MINDY4: variants seen among roughly 807,000 people sequenced by gnomAD.
MINDY4 encodes probable ubiquitin carboxyl-terminal hydrolase MINDY-4.
MINDY4 carries 68 observed loss-of-function variants against 87.0 expected under a neutral mutation model. The observed-to-expected ratio is 0.78, with a 90% confidence interval of 0.64 to 0.96. The LOEUF is 0.96. MINDY4 is among the 40% of genes least tolerant of loss of function. The probability of loss-of-function intolerance (pLI) is 0.00; values close to 1 mark genes in which losing one functional copy is unlikely to be tolerated. For missense variants in MINDY4, 919 were observed against 928.2 expected (o/e 0.99, Z 0.13); for synonymous variants, 379 against 363.2 (o/e 1.04, Z -0.50).
At chr7:30,778,580 G>T (rs757852306) in intron 2 of MINDY4, 29 bp downstream of exon 2, 2 of 1,613,586 alleles carry the variant, frequency 1.2e-6, no homozygotes. Flanking sequence ...GTGGTGTGGA[G>T]TCTTGGAACT....
intron 12 of MINDY4, 112 bp from the exon 13 acceptor site, chr7:30,859,145 G>A: frequency 9.8e-7 from 1 of 1,019,294 alleles, no homozygotes. Context: ...CTGGGCTGGA[G>A]GCAGTTGGCT....
At chr7:30,856,008 C>T (rs749825304) in intron 12 of MINDY4, among the ~76,000 whole-genome samples, 3 of 152,362 alleles carry the variant, frequency 2.0e-5, no homozygotes, top group Non-Finnish European at 4.4e-5. Flanking sequence ...GCCATCTTTG[C>T]CCAAAATCAA....
intron 13 of MINDY4, among the ~76,000 whole-genome samples, chr7:30,862,428 T>C (rs1022146367): frequency 2.6e-5 from 4 of 152,170 alleles, no homozygotes; most frequent in Non-Finnish European, 4.4e-5. Context: ...AACAGCCTGC[T>C]CCTCTCACGT....
chr7:30,844,657 G>T (rs6972154), intron 9 of MINDY4, among the ~76,000 whole-genome samples: 1 of 152,060 alleles, frequency 6.6e-6, no homozygotes, highest in Non-Finnish European at 1.5e-5. Flanking sequence ...GGCTACAGAA[G>T]GTTGTCCTTG....
At chr7:30,814,359 A>G (rs115932897) in intron 5 of MINDY4, among the ~76,000 whole-genome samples, 1 of 152,192 alleles carries the variant, frequency 6.6e-6, no homozygotes, top group Admixed American at 6.5e-5. Context: ...CAGTTGAGGT[A>G]GACATAATCT....
At chr7:30,891,899 C>G (rs1790804637) in intron 17 of MINDY4, 58 bp from the exon 18 acceptor site, 2 of 1,571,130 alleles carry the variant, frequency 1.3e-6, no homozygotes, top group East Asian at 2.2e-5. Flanking sequence ...GAGATGGGCT[C>G]TCATCTGGGA....
chr7:30,778,284 T>A (rs1786888764), intron 1 of MINDY4, 148 bp from the exon 2 acceptor site: 1 of 1,059,720 alleles, frequency 9.4e-7, no homozygotes, highest in Non-Finnish European at 1.4e-6. Flanking sequence ...AGAATCAGAA[T>A]AATATTAATT....
chr7:30,872,064 C>A (rs1318580227), intron 13 of MINDY4, among the ~76,000 whole-genome samples, 179 bp from the exon 14 acceptor site: 1 of 152,156 alleles, frequency 6.6e-6, no homozygotes, highest in Non-Finnish European at 1.5e-5. Flanking sequence ...GGCTCTAGCC[C>A]CATCCCTTCT....
chr7:30,789,788 G>T (rs757606200), intron 4 of MINDY4, among the ~76,000 whole-genome samples: 1 of 152,210 alleles, frequency 6.6e-6, no homozygotes, highest in African/African-American at 2.4e-5. Context: ...CCAAGGAAAA[G>T]CCTGGTAGGT....
rs925633177 is a variant in MINDY4 at position 30,840,931 on chromosome 7, T to C, written c.1445+83T>C. ...CAGAAAAAACAAGCAAGGAAGCATG[T>C]GTGTTCCCTGATATTTCCTGTCTTC... On this transcript the variant is annotated intron_variant, in intron 9 of 17. Transcript: ENST00000265299. 17 of 1,203,432 alleles carry C rather than the reference T, an allele frequency of 1.4e-5. No homozygotes were observed. In the African/African-American group the frequency reaches 2.1e-4, roughly 15 times the overall value. 74.5% of individuals were successfully genotyped at this position (1,203,432 alleles called of 1,614,324 possible).
chr7:30,790,647 A>G (rs1371371713), intron 4 of MINDY4, among the ~76,000 whole-genome samples: 1 of 152,054 alleles, frequency 6.6e-6, no homozygotes, highest in Non-Finnish European at 1.5e-5. Context: ...GTTTCACCAC[A>G]TTGGCAAGGC....
intron 5 of MINDY4, among the ~76,000 whole-genome samples, chr7:30,823,485 C>T (rs1475215054): frequency 3.3e-5 from 5 of 152,140 alleles, no homozygotes; most frequent in Admixed American, 6.5e-5. Context: ...TTCATTCCTT[C>T]CTCCTTCAGT....
chr7:30,880,781 G>C (rs1790442982), intron 15 of MINDY4, among the ~76,000 whole-genome samples: 1 of 152,190 alleles, frequency 6.6e-6, no homozygotes, highest in Non-Finnish European at 1.5e-5. Context: ...CACAGGGCTG[G>C]GGTGAGGCTT....
At chr7:30,869,144 GC>G (rs1273157806) in intron 13 of MINDY4, among the ~76,000 whole-genome samples, 1 of 152,214 alleles carries the variant, frequency 6.6e-6, no homozygotes, top group Non-Finnish European at 1.5e-5. Flanking sequence ...TTCTCTGAGG[GC>G]CCAGGGTCAT....
At chr7:30,781,508 G>A (rs1787007295) in intron 2 of MINDY4, 1 of 156,778 alleles carries the variant, frequency 6.4e-6, no homozygotes, top group Non-Finnish European at 1.4e-5. Flanking sequence ...TGCTTCAGTT[G>A]TCTCTATCAT....
chr7:30,842,706 C>T (rs80326231), intron 9 of MINDY4, among the ~76,000 whole-genome samples: 6,184 of 152,234 alleles, frequency 0.041, 200 homozygotes, highest in Non-Finnish European at 0.06. Context: ...TGGCTCAGGG[C>T]GGGCAGCCTG....
chr7:30,862,317 A>T (rs1179795401), intron 13 of MINDY4, among the ~76,000 whole-genome samples: 1 of 152,260 alleles, frequency 6.6e-6, no homozygotes, highest in Non-Finnish European at 1.5e-5. Context: ...CCCATGAGAC[A>T]GCCACACTGA....
At chr7:30,861,497 C>T (rs1789766962) in intron 13 of MINDY4, among the ~76,000 whole-genome samples, 1 of 152,154 alleles carries the variant, frequency 6.6e-6, no homozygotes, top group Non-Finnish European at 1.5e-5. Context: ...GGCCTTGGGC[C>T]CCACCCAGGC....
chr7:30,778,321 G>A, intron 1 of MINDY4, 111 bp from the exon 2 acceptor site: 1 of 1,373,136 alleles, frequency 7.3e-7, no homozygotes, highest in East Asian at 2.3e-5. Flanking sequence ...CAAGTGTAAA[G>A]GTTATATGAG....
Sources: gnomAD v4.1 joint callset for allele counts (sites outside exome capture counted in the v4.1 genomes callset) on GRCh38, gnomAD v4.1.1 for gene constraint, MANE v1.5 for transcripts, NCBI Gene and HGNC (gene_info 2026-07-23, HGNC 2026-07-21) for gene names.